Variants in ADAMTS3 observed in about 807,000 individuals in gnomAD.
ADAMTS3 encodes A disintegrin and metalloproteinase with thrombospondin motifs 3.
A neutral mutation model predicts 129.0 loss-of-function variants in ADAMTS3; 73 were observed. The observed-to-expected ratio is 0.57, with a 90% confidence interval of 0.47 to 0.69. The LOEUF is 0.69. Among genes scored for constraint, ADAMTS3 ranks in the 30% least tolerant of loss-of-function variants. The probability of loss-of-function intolerance (pLI) is 0.00; values close to 1 mark genes in which losing one functional copy is unlikely to be tolerated. For synonymous variants in ADAMTS3, 477 were observed against 510.8 expected (o/e 0.93, Z 0.89); for missense variants, 1,457 against 1,514.5 (o/e 0.96, Z 0.63).
intron 4 of ADAMTS3, among the ~76,000 whole-genome samples, chr4:72,384,270 T>C (rs80340413): frequency 0.019 from 2,955 of 152,114 alleles, 70 homozygotes; most frequent in African/African-American, 0.068. Flanking sequence ...TTATGGCCAT[T>C]TTCAAAATCT....
chr4:72,292,339 G>A (rs1186348932), intron 19 of ADAMTS3, among the ~76,000 whole-genome samples: 4 of 152,156 alleles, frequency 2.6e-5, no homozygotes, highest in African/African-American at 7.2e-5. Context: ...TAACTGATAT[G>A]ACTGTTTTAT....
chr4:72,550,105 AGAAGAAGAAGAAG>A (rs1721606375), intron 2 of ADAMTS3, among the ~76,000 whole-genome samples: 2 of 136,926 alleles, frequency 1.5e-5, no homozygotes, highest in African/African-American at 2.7e-5. Flanking sequence ...AAGAAGAAGA[AGAAGAAGAAGAAG>A]GCATAGAAAG....
intron 1 of ADAMTS3, among the ~76,000 whole-genome samples, 169 bp downstream of exon 1, chr4:72,568,525 C>A (rs1033234727): frequency 2.6e-5 from 4 of 152,134 alleles, no homozygotes; most frequent in African/African-American, 7.2e-5. Context: ...CCTCTACCCC[C>A]AAAAGCCCGC....
At chr4:72,374,490 C>T (rs1721089820) in intron 4 of ADAMTS3, among the ~76,000 whole-genome samples, 1 of 151,994 alleles carries the variant, frequency 6.6e-6, no homozygotes, top group East Asian at 1.9e-4. Flanking sequence ...TTTTATGTGG[C>T]AAAAGGAAGA....
At chr4:72,402,463 T>G (rs145122733) in intron 4 of ADAMTS3, among the ~76,000 whole-genome samples, 125 of 152,288 alleles carry the variant, frequency 8.2e-4, no homozygotes, top group African/African-American at 2.9e-3. Flanking sequence ...CATTTGTAAT[T>G]TAATATTGTC....
intron 3 of ADAMTS3, among the ~76,000 whole-genome samples, chr4:72,505,688 T>G (rs1331205042): frequency 6.6e-6 from 1 of 152,194 alleles, no homozygotes; most frequent in Non-Finnish European, 1.5e-5. Flanking sequence ...TAGGTAGGCA[T>G]GAAACTGGGA....
intron 5 of ADAMTS3, among the ~76,000 whole-genome samples, chr4:72,325,440 G>C (rs984354728): frequency 2.6e-5 from 4 of 152,056 alleles, no homozygotes; most frequent in Admixed American, 2.6e-4. Flanking sequence ...CAACAACCAG[G>C]CCTGTCACCA....
intron 3 of ADAMTS3, among the ~76,000 whole-genome samples, chr4:72,509,729 T>A (rs1720262452): frequency 6.6e-6 from 1 of 151,542 alleles, no homozygotes; most frequent in African/African-American, 2.4e-5. Context: ...TTCTGAAAAA[T>A]GGAGGAGGAG....
At chr4:72,516,945 C>A (rs1475223268) in intron 3 of ADAMTS3, among the ~76,000 whole-genome samples, 1 of 152,070 alleles carries the variant, frequency 6.6e-6, no homozygotes, top group Non-Finnish European at 1.5e-5. Context: ...CCAGTTTTTG[C>A]CCATTCAGTA....
intron 19 of ADAMTS3, among the ~76,000 whole-genome samples, chr4:72,291,816 G>C (rs1349735821): frequency 6.6e-6 from 1 of 152,146 alleles, no homozygotes; most frequent in Non-Finnish European, 1.5e-5. Flanking sequence ...GATCCCTGAG[G>C]AATCGCCACA....
At chr4:72,518,631 T>C (rs1331498520) in intron 3 of ADAMTS3, among the ~76,000 whole-genome samples, 12 of 152,306 alleles carry the variant, frequency 7.9e-5, no homozygotes, top group Admixed American at 3.3e-4. Context: ...TGGTTTAAAG[T>C]CTGTTTTATC....
intron 4 of ADAMTS3, among the ~76,000 whole-genome samples, chr4:72,404,451 C>A (rs186931720): frequency 6.6e-5 from 10 of 152,152 alleles, no homozygotes; most frequent in Admixed American, 5.2e-4. Context: ...AGTGAATATA[C>A]ACATGCAAAA....
chr4:72,296,582 A>G (rs1370849699), intron 18 of ADAMTS3, among the ~76,000 whole-genome samples: 1 of 152,098 alleles, frequency 6.6e-6, no homozygotes, highest in Non-Finnish European at 1.5e-5. Context: ...ATTTCTTTAT[A>G]TATGTGTATG....
chr4:72,428,454 CTT>C (rs1201953135), intron 3 of ADAMTS3, among the ~76,000 whole-genome samples: 1 of 151,966 alleles, frequency 6.6e-6, no homozygotes, highest in Non-Finnish European at 1.5e-5. Flanking sequence ...TATGAAAAGA[CTT>C]ATATTGGATG....
rs201400036 is a variant in ADAMTS3, at chr4:72,281,062, T to C, written c.*2074A>G. On this transcript the variant is annotated 3_prime_UTR_variant, in exon 22 of 22. Coordinates refer to ENST00000286657, the MANE Select transcript of ADAMTS3 (RefSeq NM_014243.3). Reference sequence around the variant, plus strand: ...TGATAAAAAGGAATTTTTAGCTTAGTAGAAAAGAAAGCCCAAAGGTCAGAA... The same window carrying C: ...TGATAAAAAGGAATTTTTAGCTTAGCAGAAAAGAAAGCCCAAAGGTCAGAA... The C allele has an allele frequency of 6.6e-6, 1 of 152,554 alleles. No homozygotes were observed. The highest frequency in any genetic ancestry group is 6.5e-5 in the Admixed American group (1 of 15,268). The allele number at this position is 152,554 out of a possible 1,614,324, so 9.5% of individuals were successfully genotyped here.
intron 3 of ADAMTS3, among the ~76,000 whole-genome samples, chr4:72,538,149 T>G (rs1299098048): frequency 6.6e-6 from 1 of 152,090 alleles, no homozygotes; most frequent in Non-Finnish European, 1.5e-5. Flanking sequence ...GGAACACCAT[T>G]AAGCAGACCA....
Position 72,458,385 on chromosome 4 carries a change from G to C in ADAMTS3, c.505-43414C>G, listed in dbSNP as rs544611797. Among the ~76,000 whole-genome samples, 5 of 151,402 alleles carry C rather than the reference G, an allele frequency of 3.3e-5. No homozygotes were observed. In the South Asian group the frequency reaches 8.3e-4, roughly 25 times the overall value. ...TAAAAAAAAAGTCCATGTCATCATT[G>C]CTTAAAAATAGCAAGCAAAAAAATG... is the stretch of plus-strand genomic sequence containing the variant. On this transcript the variant is annotated intron_variant, in intron 3 of 21. Coordinates refer to ENST00000286657, the MANE Select transcript of ADAMTS3 (RefSeq NM_014243.3).
chr4:72,492,666 G>A (rs572412197), intron 3 of ADAMTS3, among the ~76,000 whole-genome samples: 1 of 151,912 alleles, frequency 6.6e-6, no homozygotes, highest in South Asian at 2.1e-4. Context: ...TGTTCTGTGT[G>A]TACTGAAAAG....
intron 3 of ADAMTS3, among the ~76,000 whole-genome samples, chr4:72,417,931 TCA>T (rs1722348729): frequency 2.0e-5 from 2 of 100,680 alleles, no homozygotes; most frequent in East Asian, 5.4e-4. Flanking sequence ...AGACTCCATC[TCA>T]AAAAAAAAAA....
Sources: allele counts gnomAD v4.1 joint callset (sites outside exome capture counted in the v4.1 genomes callset), GRCh38; gene constraint gnomAD v4.1.1; transcripts MANE v1.5; gene names NCBI Gene and HGNC (gene_info 2026-07-23, HGNC 2026-07-21).